The following EPHB1 variants were observed in gnomAD, a reference collection of about 807,000 sequenced individuals.
EPHB1 encodes ephrin type-B receptor 1.
A neutral mutation model predicts 94.4 loss-of-function variants in EPHB1; 30 were observed. That is an observed-to-expected ratio of 0.32 (90% confidence interval 0.24 to 0.43). The LOEUF (loss-of-function observed/expected upper bound fraction) is 0.43, where lower values mean the gene tolerates loss of function less well. EPHB1 is among the 20% of genes least tolerant of loss of function. The pLI is 1.00. For missense variants in EPHB1, 1,055 were observed against 1,308.3 expected (o/e 0.81, Z 2.99); for synonymous variants, 522 against 489.1 (o/e 1.07, Z -0.89).
At chr3:134,868,555 G>A (rs2037429391) in intron 1 of EPHB1, among the ~76,000 whole-genome samples, 1 of 152,148 alleles carries the variant, frequency 6.6e-6, no homozygotes, top group South Asian at 2.1e-4. Flanking sequence ...GGCACATCAG[G>A]GAGAGGCCAT....
At chr3:135,090,239 G>A (rs901810688) in intron 3 of EPHB1, among the ~76,000 whole-genome samples, 3 of 152,176 alleles carry the variant, frequency 2.0e-5, no homozygotes, top group African/African-American at 7.2e-5. Flanking sequence ...CTCTGCTCAG[G>A]TGCTCAAAAG....
intron 1 of EPHB1, among the ~76,000 whole-genome samples, chr3:134,842,713 C>T (rs1039591851): frequency 1.1e-4 from 16 of 152,154 alleles, no homozygotes; most frequent in African/African-American, 3.9e-4. Flanking sequence ...ATCTCCACAC[C>T]TTTGATTGTT....
chr3:135,220,618 C>G, intron 12 of EPHB1, among the ~76,000 whole-genome samples: 1 of 138,946 alleles, frequency 7.2e-6, no homozygotes, highest in Non-Finnish European at 1.5e-5. Context: ...TTTTCCTGGT[C>G]AGCAATGACT....
intron 2 of EPHB1, among the ~76,000 whole-genome samples, chr3:134,930,584 A>C (rs1260892754): frequency 6.6e-6 from 1 of 152,156 alleles, no homozygotes; most frequent in African/African-American, 2.4e-5. Flanking sequence ...ACCTCTAGGC[A>C]GTGGGGAGTT....
At chr3:135,147,557 G>A (rs1314738212) in intron 5 of EPHB1, among the ~76,000 whole-genome samples, 1 of 152,196 alleles carries the variant, frequency 6.6e-6, no homozygotes, top group African/African-American at 2.4e-5. Flanking sequence ...GTGCAGGCTG[G>A]GGCAGCAGCA....
chr3:135,225,471 G>A (rs541341108), intron 12 of EPHB1, among the ~76,000 whole-genome samples: 1 of 152,296 alleles, frequency 6.6e-6, no homozygotes, highest in East Asian at 1.9e-4. Context: ...TCTAACCTTG[G>A]GAGACCATGG....
intron 3 of EPHB1, among the ~76,000 whole-genome samples, chr3:134,952,985 A>T (rs575385816): frequency 8.5e-4 from 129 of 152,286 alleles, no homozygotes; most frequent in African/African-American, 2.9e-3. Context: ...GAGCCTTCAA[A>T]GGTCCTGATT....
intron 6 of EPHB1, among the ~76,000 whole-genome samples, chr3:135,161,219 C>T (rs974733229): frequency 2.0e-5 from 3 of 151,990 alleles, no homozygotes; most frequent in African/African-American, 7.2e-5. Context: ...ATCAGAGGAC[C>T]CAAGTGTGCA....
intron 12 of EPHB1, among the ~76,000 whole-genome samples, chr3:135,223,853 C>T (rs1486690107): frequency 3.9e-5 from 6 of 152,094 alleles, no homozygotes; most frequent in African/African-American, 1.4e-4. Context: ...AAAACCAATC[C>T]CTACTGAAAT....
chr3:135,185,409 T>C (rs1054740412), intron 10 of EPHB1, among the ~76,000 whole-genome samples: 3 of 152,248 alleles, frequency 2.0e-5, no homozygotes, highest in African/African-American at 7.2e-5. Context: ...GAAGAAATCA[T>C]AGACATGTCT....
chr3:135,056,298 G>A (rs1386384486), intron 3 of EPHB1, among the ~76,000 whole-genome samples: 2 of 152,192 alleles, frequency 1.3e-5, no homozygotes, highest in Non-Finnish European at 2.9e-5. Context: ...GGCCTCCTCT[G>A]CCTGCCAGGC....
chr3:135,059,366 C>G (rs1485668462), intron 3 of EPHB1, among the ~76,000 whole-genome samples: 4 of 152,200 alleles, frequency 2.6e-5, no homozygotes, highest in Non-Finnish European at 5.9e-5. Context: ...CACTTTTCTC[C>G]TGGAGGGTTG....
At chr3:134,808,401 G>C (rs898695038) in intron 1 of EPHB1, among the ~76,000 whole-genome samples, 1 of 152,138 alleles carries the variant, frequency 6.6e-6, no homozygotes, top group Non-Finnish European at 1.5e-5. Context: ...AGGGGGAAGG[G>C]CTAGCTCAGA....
intron 3 of EPHB1, among the ~76,000 whole-genome samples, chr3:135,070,353 T>C (rs992565690): frequency 3.3e-5 from 5 of 152,192 alleles, no homozygotes; most frequent in Non-Finnish European, 7.3e-5. Context: ...TGGGCAGCAA[T>C]GAAACTCTGT....
At chr3:135,173,790 C>A (rs1941889242) in intron 9 of EPHB1, among the ~76,000 whole-genome samples, 1 of 152,234 alleles carries the variant, frequency 6.6e-6, no homozygotes, top group Non-Finnish European at 1.5e-5. Context: ...AGCTTCTAAG[C>A]ACCTGCATAT....
At chr3:135,113,127 A>G (rs1422742307) in intron 4 of EPHB1, among the ~76,000 whole-genome samples, 1 of 152,210 alleles carries the variant, frequency 6.6e-6, no homozygotes, top group Non-Finnish European at 1.5e-5. Flanking sequence ...TAAGAGTCAG[A>G]GGGCAGGCCT....
chr3:135,227,751 T>A (rs1175100977), intron 12 of EPHB1, among the ~76,000 whole-genome samples: 1 of 152,144 alleles, frequency 6.6e-6, no homozygotes, highest in Non-Finnish European at 1.5e-5. Context: ...TTTAAAAAAA[T>A]AATGTCAAAC....
chr3:135,102,864 A>G (rs1261220106), intron 3 of EPHB1, among the ~76,000 whole-genome samples: 1 of 152,210 alleles, frequency 6.6e-6, no homozygotes, highest in Non-Finnish European at 1.5e-5. Flanking sequence ...TTCTCAGCAA[A>G]CTAACACAGA....
At chr3:135,204,475 G>A (rs1942844679) in intron 12 of EPHB1, among the ~76,000 whole-genome samples, 1 of 151,818 alleles carries the variant, frequency 6.6e-6, no homozygotes, top group African/African-American at 2.4e-5. Flanking sequence ...CAAAGTGCTG[G>A]GATTACAGGC....
Sources: gnomAD v4.1 joint callset for allele counts (sites outside exome capture counted in the v4.1 genomes callset) on GRCh38, gnomAD v4.1.1 for gene constraint, MANE v1.5 for transcripts, NCBI Gene and HGNC (gene_info 2026-07-23, HGNC 2026-07-21) for gene names.